The following AKAP11 variants were observed in gnomAD, a reference collection of about 807,000 sequenced individuals.
AKAP11 encodes the protein A-kinase anchor protein 11.
In AKAP11, 36 loss-of-function variants were observed where a neutral mutation model predicts 146.1. The observed-to-expected ratio is 0.25, with a 90% CI of 0.19 to 0.33. The LOEUF is 0.33. Ranked by LOEUF, AKAP11 falls within the 10% of genes least tolerant of loss-of-function variation. The probability of loss-of-function intolerance (pLI) is 1.00; values close to 1 mark genes in which losing one functional copy is unlikely to be tolerated. For missense variants in AKAP11, 2,201 were observed against 2,197.0 expected, an observed-to-expected ratio of 1.00 and a Z score of -0.04; for synonymous variants, 780 against 786.5, an observed-to-expected ratio of 0.99 and a Z score of 0.14.
At chr13:42,312,498 A>T (rs545250014) in intron 9 of AKAP11, among the ~76,000 whole-genome samples, 1 of 152,350 alleles carries the variant, frequency 6.6e-6, no homozygotes, top group African/African-American at 2.4e-5. Flanking sequence ...TTGACATAAT[A>T]GTATTTTAAA....
At chr13:42,307,295 G>C (rs1960310828) in intron 8 of AKAP11, among the ~76,000 whole-genome samples, 3 of 152,150 alleles carry the variant, frequency 2.0e-5, no homozygotes, top group African/African-American at 7.2e-5. Flanking sequence ...TAGGGATACG[G>C]AAGTAAGTAA....
chr13:42,276,339 A>G (rs1036283732), intron 1 of AKAP11, among the ~76,000 whole-genome samples: 2 of 152,032 alleles, frequency 1.3e-5, no homozygotes, highest in African/African-American at 4.8e-5. Context: ...TCCTCCTCCC[A>G]GGGCTCAAGC....
intron 8 of AKAP11, among the ~76,000 whole-genome samples, chr13:42,307,435 G>T (rs1342839508): frequency 6.6e-6 from 1 of 152,214 alleles, no homozygotes; most frequent in Non-Finnish European, 1.5e-5. Flanking sequence ...TAGGGAGTTA[G>T]GGAGTTAGAG....
intron 9 of AKAP11, among the ~76,000 whole-genome samples, chr13:42,312,263 T>C (rs971897640): frequency 3.3e-5 from 5 of 152,182 alleles, no homozygotes; most frequent in African/African-American, 1.2e-4. Context: ...TTTCTGAACA[T>C]GGTTGCTTTT....
At position 42,319,333 on chromosome 13, in the gene AKAP11, C is replaced by T; in HGVS notation, c.*105C>T. ...AATAGTGAATATTAACATCGTAAGT[C>T]AGTTGGGAGGCAAGTAAATATAGCT... On this transcript the variant is annotated 3_prime_UTR_variant, in exon 13 of 13. Coordinates refer to ENST00000025301, the MANE Select transcript of AKAP11 (RefSeq NM_016248.4). The T allele has an allele frequency of 7.1e-7, 1 of 1,415,244 alleles. No individual in the cohort carries two copies. The highest frequency in any genetic ancestry group is 9.4e-7 in the Non-Finnish European group (1 of 1,059,788). The allele number at this position is 1,415,244 out of a possible 1,614,324, so 87.7% of individuals were successfully genotyped here.
chr13:42,283,917 T>G (rs1222683848), intron 1 of AKAP11, among the ~76,000 whole-genome samples: 1 of 152,208 alleles, frequency 6.6e-6, no homozygotes, highest in Non-Finnish European at 1.5e-5. Flanking sequence ...AATTACTCTC[T>G]TGTTTCTGGC....
intron 9 of AKAP11, 64 bp downstream of exon 9, chr13:42,308,673 AT>A: frequency 8.0e-7 from 1 of 1,245,642 alleles, no homozygotes; most frequent in Non-Finnish European, 1.1e-6. Flanking sequence ...TGAGCTATAA[AT>A]TTACATTATT....
intron 9 of AKAP11, among the ~76,000 whole-genome samples, chr13:42,309,188 T>C (rs1319991835): frequency 1.3e-5 from 2 of 152,242 alleles, no homozygotes; most frequent in East Asian, 1.9e-4. Context: ...TTAGTTAACT[T>C]TGTTCATAAC....
At chr13:42,273,580 C>CT (rs1468613411) in intron 1 of AKAP11, among the ~76,000 whole-genome samples, 1 of 152,120 alleles carries the variant, frequency 6.6e-6, no homozygotes, top group African/African-American at 2.4e-5. Context: ...ACCCACATAA[C>CT]TGCAGTATCG....
rs372570480 is a variant in AKAP11 at position 42,297,267 on chromosome 13, G to A, written c.351+85G>A. On this transcript the variant is annotated intron_variant, in intron 6 of 12. Transcript: ENST00000025301. The stretch of plus-strand genomic sequence containing the variant: ...AAGATGATTAAACTTTTAAATGCTT[G>A]GATGACATTTGTTTTTTTTAAATGG... 19 of 1,067,372 alleles carry A rather than the reference G, an allele frequency of 1.8e-5. No individual in the cohort carries two copies. In the East Asian group the frequency reaches 2.1e-4, roughly 12 times the overall value. 66.1% of individuals were successfully genotyped at this position (1,067,372 alleles called of 1,614,324 possible). A position where few individuals can be genotyped will look rare whatever the true frequency, so the allele number is the denominator to read the frequency against.
Position 42,303,105 on chromosome 13 carries a change from A to G in AKAP11, c.4359A>G (p.Gln1453=), listed in dbSNP as rs372399773. Residue 1453 remains glutamine (Q), a synonymous_variant, in exon 8 of 13, where the codon CAA becomes CAG. Transcript: ENST00000025301. ...ATCCATATAGAAATGAGGTCTCCCA[A>G]CTGTATAGTTTTTCAACCTCTCTGG... ...TLDPYRNEVS[Q]LYSFSTSLVH... 8 of 1,614,038 alleles carry G rather than the reference A, an allele frequency of 5.0e-6. No individual in the cohort carries two copies. The highest frequency in any genetic ancestry group is 6.8e-6 in the Non-Finnish European group (8 of 1,180,042).
intron 1 of AKAP11, among the ~76,000 whole-genome samples, chr13:42,280,741 T>G (rs541224652): frequency 6.6e-6 from 1 of 152,254 alleles, no homozygotes; most frequent in African/African-American, 2.4e-5. Flanking sequence ...AAAGGAGAGA[T>G]ATGAGCCAAG....
At chr13:42,317,483 T>A (rs756072212) in intron 11 of AKAP11, 45 bp from the exon 12 acceptor site, 1 of 1,557,578 alleles carries the variant, frequency 6.4e-7, no homozygotes, top group Non-Finnish European at 8.7e-7. Context: ...TATTGAGAGT[T>A]AAATTGATGA....
Position 42,302,459 on chromosome 13 carries a change from A to C in AKAP11, c.3713A>C (p.Gln1238Pro), listed in dbSNP as rs1189791235. The change falls in exon 8 of 13, where the codon CAA becomes CCA. Residue 1238 changes from glutamine (Q) to proline (P), a missense_variant. Gln to Pro is a moderately conservative substitution (Grantham distance 76). Around this residue, in one of 3 missense-constraint regions of AKAP11, gnomAD observed 1,867 missense variants for 1,833.5 expected, o/e 1.02. Transcript: ENST00000025301. ...AACCCTTGCTTAAATGTGCAAAGTC[A>C]AAGAAGTGTGTCGCCTACTTTTTTA... is the stretch of plus-strand genomic sequence containing the variant. ...VKNPCLNVQS[Q>P]RSVSPTFLNP... The C allele has an allele frequency of 1.2e-6, 2 of 1,614,200 alleles. No individual in the cohort carries two copies. Among genetic ancestry groups the C allele is most frequent in the Non-Finnish European group, 1.7e-6 (2 of 1,180,006 alleles).
At chr13:42,303,996 T>A in intron 8 of AKAP11, 133 bp downstream of exon 8, 1 of 1,162,852 alleles carries the variant, frequency 8.6e-7, no homozygotes, top group Non-Finnish European at 1.2e-6. Context: ...CCTGTTGCAT[T>A]TATGTATTGT....
Position 42,299,377 on chromosome 13 carries a change from G to A in AKAP11, c.631G>A (p.Val211Met), listed in dbSNP as rs1444196631. 8 of 1,612,680 alleles carry A rather than the reference G, an allele frequency of 5.0e-6. No individual in the cohort carries two copies. Among genetic ancestry groups the A allele is most frequent in the Non-Finnish European group, 6.8e-6 (8 of 1,179,400 alleles). Residue 211 changes from valine to methionine, a missense_variant, in exon 8 of 13, where the codon GTG (valine) becomes ATG (methionine). Transcript: ENST00000025301. ...KPYNDGMNIT[V>M]LRSQCDAASQ... is the part of the protein sequence containing the mutation. ...TTTTCCTATAGGAATGAACATTACTGTGCTAAGGAGCCAGTGTGATGCTGC... is the reference window on the plus strand; with the variant it reads ...TTTTCCTATAGGAATGAACATTACTATGCTAAGGAGCCAGTGTGATGCTGC...
chr13:42,274,350 C>T (rs927261064), intron 1 of AKAP11, among the ~76,000 whole-genome samples: 4 of 151,984 alleles, frequency 2.6e-5, no homozygotes, highest in Non-Finnish European at 5.9e-5. Context: ...CCAAGTGTCT[C>T]GATTCTCCCA....
In AKAP11 at chr13:42,299,557, T is replaced by G; in HGVS notation, c.811T>G (p.Ser271Ala). 6.2e-7 allele frequency: 1 copy of G among 1,614,002 alleles called. No individual in the cohort carries two copies. The highest frequency in any genetic ancestry group is 1.7e-5 in the Admixed American group (1 of 60,008). The part of the protein sequence containing the change: ...LPSVKTSVTT[S>A]ISEPWTQRSF... ...TTCTGTGAAAACTTCAGTCACAACATCAATTTCAGAGCCTTGGACCCAAAG... is the reference window on the plus strand; with the variant it reads ...TTCTGTGAAAACTTCAGTCACAACAGCAATTTCAGAGCCTTGGACCCAAAG... Residue 271 changes from serine to alanine, a missense_variant, in exon 8 of 13, where the codon TCA becomes GCA. Ser to Ala is a moderately conservative substitution (Grantham distance 99). This residue lies in a region of AKAP11 where 331 missense variants were observed against 347.4 expected (regional missense o/e 0.95). Transcript: ENST00000025301.
In AKAP11 at chr13:42,299,490, C is replaced by T. The variant is rs1377481509; in HGVS notation, c.744C>T (p.Pro248=). ...SSGQQKSLAK[P]STSSVNVLGH... ...GACAGCAGAAGTCATTGGCTAAACC[C>T]TCAACTTCCTCAGTGAATGTCCTGG... The change falls in exon 8 of 13, where the codon CCC becomes CCT. Residue 248 remains proline, a synonymous_variant. Coordinates refer to ENST00000025301, the MANE Select transcript of AKAP11 (RefSeq NM_016248.4). 10 of 1,613,810 alleles carry T rather than the reference C, an allele frequency of 6.2e-6. No individual in the cohort carries two copies. The highest frequency in any genetic ancestry group is 8.5e-6 in the Non-Finnish European group (10 of 1,179,884).
Sources: gnomAD v4.1 joint callset for allele counts (sites outside exome capture counted in the v4.1 genomes callset) on GRCh38, gnomAD v4.1.1 for gene constraint, gnomAD v4.1.1 regional missense constraint, MANE v1.5 for transcripts, NCBI Gene and HGNC (gene_info 2026-07-23, HGNC 2026-07-21) for gene names.